SPAG16: variants seen among roughly 807,000 people sequenced by gnomAD.
The protein encoded by SPAG16 is sperm-associated antigen 16 protein.
In SPAG16, 86 loss-of-function variants were observed where a neutral mutation model predicts 80.4. The ratio of observed to expected loss-of-function variants is 1.07; its 90% CI spans 0.90 to 1.28. The LOEUF (loss-of-function observed/expected upper bound fraction) is 1.28, where lower values mean the gene tolerates loss of function less well. Among genes scored for constraint, SPAG16 ranks in the 50% most tolerant of loss-of-function variants. The pLI is 0.00. For synonymous variants in SPAG16, 294 were observed against 265.9 expected (o/e 1.11, Z -1.03); for missense variants, 870 against 765.3 (o/e 1.14, Z -1.61).
At chr2:214,062,418 C>CAAA (rs56693089) in intron 13 of SPAG16, among the ~76,000 whole-genome samples, 7 of 55,368 alleles carry the variant, frequency 1.3e-4, no homozygotes, top group Non-Finnish European at 2.3e-4. Flanking sequence ...GACTCTGACT[C>CAAA]AAAAAAAAAA....
intron 15 of SPAG16, among the ~76,000 whole-genome samples, chr2:214,362,124 T>G (rs1699227776): frequency 6.6e-6 from 1 of 151,868 alleles, no homozygotes; most frequent in Non-Finnish European, 1.5e-5. Context: ...GGACTTAGAT[T>G]CTGGTTCATG....
chr2:213,557,079 C>G (rs531340415), intron 10 of SPAG16, among the ~76,000 whole-genome samples: 1 of 151,980 alleles, frequency 6.6e-6, no homozygotes, highest in Non-Finnish European at 1.5e-5. Context: ...AAAAATTAAG[C>G]ATATGTTATT....
At chr2:213,530,506 G>A (rs1559225348) in intron 10 of SPAG16, among the ~76,000 whole-genome samples, 2 of 152,244 alleles carry the variant, frequency 1.3e-5, no homozygotes, top group Non-Finnish European at 2.9e-5. Context: ...CCTTTAAAAA[G>A]TCAAGTAGGA....
At chr2:213,836,382 A>C (rs558980533) in intron 10 of SPAG16, among the ~76,000 whole-genome samples, 1 of 152,162 alleles carries the variant, frequency 6.6e-6, no homozygotes, top group Admixed American at 6.5e-5. Flanking sequence ...TGTCTAAGAG[A>C]GGTATTGACA....
At chr2:213,455,106 T>C (rs1013146852) in intron 9 of SPAG16, among the ~76,000 whole-genome samples, 3 of 152,214 alleles carry the variant, frequency 2.0e-5, no homozygotes, top group Non-Finnish European at 2.9e-5. Flanking sequence ...AAATGCTGGA[T>C]AATGAAATTT....
At chr2:214,172,876 T>G (rs2056927877) in intron 15 of SPAG16, among the ~76,000 whole-genome samples, 1 of 152,154 alleles carries the variant, frequency 6.6e-6, no homozygotes, top group Non-Finnish European at 1.5e-5. Flanking sequence ...TTTTCATGTG[T>G]TTTTTGGCTG....
intron 15 of SPAG16, among the ~76,000 whole-genome samples, chr2:214,356,841 G>A (rs1698837840): frequency 1.3e-5 from 2 of 151,860 alleles, no homozygotes. Context: ...TTACCTACAT[G>A]ATTACTATGT....
intron 12 of SPAG16, among the ~76,000 whole-genome samples, chr2:213,964,991 G>A (rs2106362606): frequency 6.6e-6 from 1 of 152,176 alleles, no homozygotes; most frequent in Non-Finnish European, 1.5e-5. Flanking sequence ...CCTTTCTCTT[G>A]CCATTTTCTT....
chr2:213,563,995 G>A (rs1431388969), intron 10 of SPAG16, among the ~76,000 whole-genome samples: 2 of 152,166 alleles, frequency 1.3e-5, no homozygotes, highest in Non-Finnish European at 1.5e-5. Flanking sequence ...AGGAGGAAAG[G>A]GAGCTTTGTG....
In SPAG16 at chr2:213,980,712, G is replaced by GTGTATATATATATATATATATA. The variant is rs1469351640; in HGVS notation, c.1401-33238_1401-33237insGTATATATATATATATATATAT. Among the ~76,000 whole-genome samples, 80 of 113,942 alleles carry GTGTATATATATATATATATATA rather than the reference G, an allele frequency of 7.0e-4. 1 individual carries two copies. Among genetic ancestry groups the GTGTATATATATATATATATATA allele is most frequent in the South Asian group, 1.4e-3 (5 of 3,600 alleles). The allele number at this position is 113,942 out of a possible 152,430, so 74.8% of individuals were successfully genotyped here. ...ATAGAATATATGTGTGTGTGTGTGT[G>GTGTATATATATATATATATATA]TATATATATATATAGAGAGAGAGAG... On this transcript the variant is annotated intron_variant, in intron 12 of 15. Transcript: ENST00000331683.
chr2:214,064,151 G>A (rs2050419054), intron 13 of SPAG16, among the ~76,000 whole-genome samples: 1 of 152,088 alleles, frequency 6.6e-6, no homozygotes, highest in Admixed American at 6.6e-5. Flanking sequence ...CTTTGGATAT[G>A]AGTATAGCTG....
chr2:214,403,232 AATATGTG>A (rs1323631728), intron 15 of SPAG16, among the ~76,000 whole-genome samples: 8 of 151,586 alleles, frequency 5.3e-5, no homozygotes, highest in Non-Finnish European at 7.4e-5. Context: ...TTCTAATAAA[AATATGTG>A]ATATGTGATA....
intron 10 of SPAG16, among the ~76,000 whole-genome samples, chr2:213,555,843 C>T (rs556229595): frequency 1.8e-4 from 27 of 152,148 alleles, no homozygotes; most frequent in Admixed American, 3.9e-4. Context: ...TCACTTGTAT[C>T]TTTAGTATAA....
chr2:213,894,685 C>G (rs1858252), intron 11 of SPAG16, among the ~76,000 whole-genome samples: 1 of 151,974 alleles, frequency 6.6e-6, no homozygotes, highest in Admixed American at 6.6e-5. Flanking sequence ...AGACAAGATT[C>G]TATACTTAGA....
At chr2:213,573,986 T>C (rs1213109937) in intron 10 of SPAG16, among the ~76,000 whole-genome samples, 1 of 152,200 alleles carries the variant, frequency 6.6e-6, no homozygotes, top group African/African-American at 2.4e-5. Flanking sequence ...TCTGAGATTA[T>C]ATTAATACAT....
chr2:213,862,635 G>A lies in SPAG16; in HGVS notation c.1214+7G>A, dbSNP rs754061924. 4 of 1,613,756 alleles carry A rather than the reference G, an allele frequency of 2.5e-6. No individual in the cohort carries two copies. The highest frequency in any genetic ancestry group is 3.4e-6 in the Non-Finnish European group (4 of 1,179,908). On this transcript the variant is annotated splice_region_variant and intron_variant, in intron 11 of 15. Transcript: ENST00000331683. ...ACTGCTGCTTCCATCCCAGGTCAGT[G>A]CACAGGACCCCTAGAAATAGCCTAA...
rs528188822 is a variant in SPAG16, at chr2:214,159,795, T to C, written c.1720+10529T>C. The stretch of plus-strand genomic sequence containing the variant: ...GAAAGGAATAAATAGCATATTGTTA[T>C]TATGAAAATCAATACTCTGTAAATA... On this transcript the variant is annotated intron_variant, in intron 15 of 15. Coordinates refer to ENST00000331683, the MANE Select transcript of SPAG16 (RefSeq NM_024532.5). Among the ~76,000 whole-genome samples the C allele has an allele frequency of 1.2e-4, 18 of 152,064 alleles. No individual in the cohort carries two copies. The East Asian group carries it at 3.5e-3, about 29-fold the overall frequency.
At chr2:213,725,008 G>A (rs764260474) in intron 10 of SPAG16, among the ~76,000 whole-genome samples, 6 of 151,632 alleles carry the variant, frequency 4.0e-5, no homozygotes, top group Non-Finnish European at 7.4e-5. Context: ...TGACTAAAAC[G>A]TCCAAAACCA....
At chr2:213,488,600 A>T (rs961235432) in intron 9 of SPAG16, among the ~76,000 whole-genome samples, 2 of 152,154 alleles carry the variant, frequency 1.3e-5, no homozygotes, top group African/African-American at 4.8e-5. Context: ...AGAGAAGACA[A>T]TAGAGCGTGC....
Sources: allele counts gnomAD v4.1 joint callset (sites outside exome capture counted in the v4.1 genomes callset), GRCh38; gene constraint gnomAD v4.1.1; transcripts MANE v1.5; gene names NCBI Gene and HGNC (gene_info 2026-07-23, HGNC 2026-07-21).